NKAIN3: variants seen among roughly 807,000 people sequenced by gnomAD.
The protein encoded by NKAIN3 is sodium/potassium transporting ATPase interacting 3, also known as sodium/potassium-transporting ATPase subunit beta-1-interacting protein 3.
A neutral mutation model predicts 30.2 loss-of-function variants in NKAIN3; 25 were observed. The ratio of observed to expected loss-of-function variants is 0.83; its 90% confidence interval spans 0.60 to 1.16. The LOEUF is 1.16. Ranked by LOEUF, NKAIN3 falls within the 50% of genes most tolerant of loss-of-function variation. NKAIN3 has a pLI of 0.00. For synonymous variants in NKAIN3, 91 were observed against 89.6 expected, an observed-to-expected ratio of 1.02 and a Z score of -0.09; for missense variants, 225 against 254.1, an observed-to-expected ratio of 0.89 and a Z score of 0.78.
intron 3 of NKAIN3, among the ~76,000 whole-genome samples, chr8:62,682,802 C>T (rs1813683812): frequency 6.6e-6 from 1 of 151,986 alleles, no homozygotes; most frequent in Admixed American, 6.6e-5. Flanking sequence ...GAACCACACC[C>T]CCATCCCTCA....
chr8:62,266,190 A>G (rs1030764686), intron 1 of NKAIN3, among the ~76,000 whole-genome samples: 2 of 152,170 alleles, frequency 1.3e-5, no homozygotes, highest in South Asian at 4.1e-4. Context: ...ATAGGAAATG[A>G]AGGCTCAGAG....
intron 6 of NKAIN3, among the ~76,000 whole-genome samples, chr8:62,965,039 G>T (rs914724479): frequency 6.6e-6 from 1 of 152,106 alleles, no homozygotes; most frequent in African/African-American, 2.4e-5. Context: ...CTCATAGTTT[G>T]CGCACACAAC....
intron 1 of NKAIN3, among the ~76,000 whole-genome samples, chr8:62,320,625 G>A (rs1419333961): frequency 6.6e-6 from 1 of 152,102 alleles, no homozygotes; most frequent in African/African-American, 2.4e-5. Flanking sequence ...ATTCTGGATT[G>A]AAAATTCTTT....
chr8:62,545,971 A>G (rs1052311590), intron 1 of NKAIN3, among the ~76,000 whole-genome samples: 1 of 152,196 alleles, frequency 6.6e-6, no homozygotes, highest in Admixed American at 6.5e-5. Context: ...GTTAATCTTT[A>G]AACATTTACC....
At chr8:62,964,537 A>AGTGTGTGTGTGT (rs56313500) in intron 6 of NKAIN3, among the ~76,000 whole-genome samples, 31 of 133,232 alleles carry the variant, frequency 2.3e-4, no homozygotes, top group South Asian at 1.5e-3. Flanking sequence ...AGAGAGAGAG[A>AGTGTGTGTGTGT]GTGTGTGTGT....
intron 6 of NKAIN3, among the ~76,000 whole-genome samples, chr8:62,955,754 T>G (rs1231626931): frequency 6.6e-6 from 1 of 152,224 alleles, no homozygotes; most frequent in Non-Finnish European, 1.5e-5. Flanking sequence ...ACTTATGTTC[T>G]CTAAAGTCAC....
At chr8:62,360,851 T>C (rs767511436) in intron 1 of NKAIN3, among the ~76,000 whole-genome samples, 9 of 152,160 alleles carry the variant, frequency 5.9e-5, no homozygotes, top group Non-Finnish European at 1.3e-4. Flanking sequence ...TCTTGTTGAA[T>C]TGAACCCTTT....
chr8:62,665,953 C>T (rs774506007), intron 3 of NKAIN3, among the ~76,000 whole-genome samples: 11 of 152,142 alleles, frequency 7.2e-5, no homozygotes, highest in East Asian at 1.9e-4. Flanking sequence ...CAATGGTTCA[C>T]GCCTGTAATC....
chr8:62,956,171 G>A (rs1018712146), intron 6 of NKAIN3, among the ~76,000 whole-genome samples: 3 of 152,002 alleles, frequency 2.0e-5, no homozygotes, highest in Non-Finnish European at 2.9e-5. Context: ...TAATAAGCCC[G>A]TTATATTGAA....
At chr8:62,482,173 C>T (rs1300503470) in intron 1 of NKAIN3, 2 of 152,208 alleles carry the variant, frequency 1.3e-5, no homozygotes, top group East Asian at 3.9e-4. Context: ...CCCTCTCACA[C>T]ATGTCTTTGC....
intron 5 of NKAIN3, among the ~76,000 whole-genome samples, chr8:62,936,415 T>C (rs1385207783): frequency 6.6e-6 from 1 of 152,134 alleles, no homozygotes; most frequent in Non-Finnish European, 1.5e-5. Context: ...TGGGACTCCA[T>C]ACCAACTTCC....
At chr8:62,460,330 T>G (rs967645133) in intron 1 of NKAIN3, among the ~76,000 whole-genome samples, 3 of 151,122 alleles carry the variant, frequency 2.0e-5, no homozygotes, top group Admixed American at 6.6e-5. Flanking sequence ...GAGAATCACT[T>G]GAACCCAGGA....
chr8:62,615,775 A>G (rs554739786), intron 3 of NKAIN3, among the ~76,000 whole-genome samples: 1 of 152,110 alleles, frequency 6.6e-6, no homozygotes, highest in African/African-American at 2.4e-5. Flanking sequence ...TCAGTGACAC[A>G]ATTGCTGTGT....
At chr8:62,501,448 C>T (rs1001053365) in intron 1 of NKAIN3, among the ~76,000 whole-genome samples, 9 of 152,106 alleles carry the variant, frequency 5.9e-5, no homozygotes, top group Non-Finnish European at 1.2e-4. Flanking sequence ...CATTTGCTTT[C>T]TCAATTCCTC....
intron 1 of NKAIN3, among the ~76,000 whole-genome samples, chr8:62,311,307 A>G (rs1334883661): frequency 6.7e-6 from 1 of 150,288 alleles, no homozygotes; most frequent in Non-Finnish European, 1.5e-5. Context: ...GGAAGGAAAG[A>G]GTCAAAGAAA....
At chr8:62,351,261 A>G (rs182316182) in intron 1 of NKAIN3, among the ~76,000 whole-genome samples, 141 of 150,174 alleles carry the variant, frequency 9.4e-4, no homozygotes, top group African/African-American at 3.1e-3. Flanking sequence ...GAGTATTTGT[A>G]AATAGCCTCC....
intron 4 of NKAIN3, among the ~76,000 whole-genome samples, chr8:62,814,102 A>C (rs537745281): frequency 4.9e-4 from 75 of 152,088 alleles, no homozygotes; most frequent in Non-Finnish European, 9.3e-4. Context: ...TAGTTTGACT[A>C]TATTGTGATT....
chr8:62,545,804 A>C (rs1426202120), intron 1 of NKAIN3, among the ~76,000 whole-genome samples: 1 of 152,196 alleles, frequency 6.6e-6, no homozygotes, highest in Non-Finnish European at 1.5e-5. Context: ...GGTATGTAAA[A>C]ATTTTTCAAT....
chr8:62,342,831 A>T (rs1290280757), intron 1 of NKAIN3, among the ~76,000 whole-genome samples: 1 of 152,052 alleles, frequency 6.6e-6, no homozygotes, highest in Non-Finnish European at 1.5e-5. Context: ...AGAGGTTAAG[A>T]TTCACTTTCT....
Sources: allele counts gnomAD v4.1 joint callset (sites outside exome capture counted in the v4.1 genomes callset), GRCh38; gene constraint gnomAD v4.1.1; transcripts MANE v1.5; gene names NCBI Gene and HGNC (gene_info 2026-07-23, HGNC 2026-07-21).